DNTTIP1: variants seen among roughly 807,000 people sequenced by gnomAD.
The protein encoded by DNTTIP1 is deoxynucleotidyltransferase terminal interacting protein 1, also known as deoxynucleotidyltransferase terminal-interacting protein 1.
DNTTIP1 carries 22 observed loss-of-function variants against 52.9 expected under a neutral mutation model. The observed-to-expected ratio is 0.42, with a 90% CI of 0.30 to 0.59. The LOEUF (loss-of-function observed/expected upper bound fraction) is 0.59. Among genes scored for constraint, DNTTIP1 ranks in the 20% least tolerant of loss-of-function variants. The probability of loss-of-function intolerance (pLI) is 0.22; values close to 1 mark genes in which losing one functional copy is unlikely to be tolerated. For synonymous variants in DNTTIP1, 136 were observed against 155.1 expected (o/e 0.88, Z 0.92); for missense variants, 286 against 435.5 (o/e 0.66, Z 3.06).
intron 4 of DNTTIP1, among the ~76,000 whole-genome samples, chr20:45,797,084 A>G (rs1353162291): frequency 6.6e-6 from 1 of 152,158 alleles, no homozygotes; most frequent in Non-Finnish European, 1.5e-5. Flanking sequence ...ACACATTTAT[A>G]TCTCAGTCCA....
intron 1 of DNTTIP1, 152 bp from the exon 2 acceptor site, chr20:45,792,525 G>A (rs1981062896): frequency 3.4e-6 from 2 of 580,080 alleles, no homozygotes; most frequent in Admixed American, 7.1e-5. Context: ...TGTGGAGGAG[G>A]CCTTACAACT....
At chr20:45,799,631 T>G (rs1305232475) in intron 4 of DNTTIP1, among the ~76,000 whole-genome samples, 1 of 152,216 alleles carries the variant, frequency 6.6e-6, no homozygotes, top group Non-Finnish European at 1.5e-5. Context: ...CTGGTGGTTC[T>G]CTGTCACATC....
chr20:45,801,559 G>A, intron 6 of DNTTIP1, 101 bp downstream of exon 6: 1 of 1,258,350 alleles, frequency 7.9e-7, no homozygotes, highest in Non-Finnish European at 1.1e-6. Context: ...AGGCCAAGCG[G>A]GGAGGATCAC....
intron 1 of DNTTIP1, 89 bp downstream of exon 1, chr20:45,792,198 G>A: frequency 2.5e-6 from 2 of 799,542 alleles, no homozygotes; most frequent in Non-Finnish European, 3.4e-6. Context: ...AGAACGCGGA[G>A]GCTGGAGCTG....
chr20:45,810,154 G>A (rs1176444287), intron 11 of DNTTIP1, among the ~76,000 whole-genome samples: 1 of 152,160 alleles, frequency 6.6e-6, no homozygotes, highest in Admixed American at 6.5e-5. Flanking sequence ...CCCATAAGAT[G>A]TAGACAAATT....
chr20:45,794,687 C>T lies in DNTTIP1; in HGVS notation c.274-658C>T, dbSNP rs988752546. Among the ~76,000 whole-genome samples the T allele has an allele frequency of 2.0e-5, 3 of 150,968 alleles. No individual in the cohort carries two copies. In the East Asian group the frequency reaches 5.9e-4, roughly 30 times the overall value. ...ATTATTGGGGCCATGCACAGTGGCT[C>T]ACACCTGCAACCCCAGCACTTTGGG... is the stretch of plus-strand genomic sequence containing the variant. On this transcript the variant is annotated intron_variant, in intron 3 of 12. Coordinates refer to ENST00000372622, the MANE Select transcript of DNTTIP1 (RefSeq NM_052951.3).
intron 3 of DNTTIP1, 63 bp from the exon 4 acceptor site, chr20:45,795,282 G>A: frequency 2.2e-6 from 2 of 922,496 alleles, no homozygotes; most frequent in South Asian, 1.6e-5. Flanking sequence ...TTTATATTCA[G>A]TTTCCTTCAG....
chr20:45,803,874 A>C (rs1204552524), intron 8 of DNTTIP1, among the ~76,000 whole-genome samples: 1 of 152,160 alleles, frequency 6.6e-6, no homozygotes, highest in African/African-American at 2.4e-5. Flanking sequence ...TGAGTCTCAA[A>C]CCCAAGACCC....
At chr20:45,805,838 C>A (rs1256256855) in intron 10 of DNTTIP1, among the ~76,000 whole-genome samples, 1 of 152,206 alleles carries the variant, frequency 6.6e-6, no homozygotes, top group Non-Finnish European at 1.5e-5. Flanking sequence ...AATCCCAGCA[C>A]TTTGGGAGGC....
At chr20:45,803,424 T>A (rs372929002) in intron 8 of DNTTIP1, 46 bp downstream of exon 8, 164 of 1,608,374 alleles carry the variant, frequency 1.0e-4, no homozygotes, top group Middle Eastern at 1.7e-4. Context: ...CAGGAGATAG[T>A]CCCACTATCT....
At chr20:45,802,435 A>G (rs1981505587) in intron 7 of DNTTIP1, among the ~76,000 whole-genome samples, 1 of 152,220 alleles carries the variant, frequency 6.6e-6, no homozygotes, top group Non-Finnish European at 1.5e-5. Context: ...CTAATGTCAT[A>G]TCGTTAACAT....
chr20:45,804,801 C>T (rs1981581363), intron 8 of DNTTIP1, among the ~76,000 whole-genome samples: 1 of 152,180 alleles, frequency 6.6e-6, no homozygotes, highest in African/African-American at 2.4e-5. Flanking sequence ...TCAGAATTAA[C>T]TTGGGAAATG....
Position 45,809,834 on chromosome 20 carries a change from T to C in DNTTIP1, c.795+649T>C, listed in dbSNP as rs930607619. 3.3e-5 allele frequency among the ~76,000 whole-genome samples: 5 copies of C among 152,224 alleles called. No individual in the cohort carries two copies. Among genetic ancestry groups the C allele is most frequent in the South Asian group, 2.1e-4 (1 of 4,838 alleles). On this transcript the variant is annotated intron_variant, in intron 11 of 12. Coordinates refer to ENST00000372622, the MANE Select transcript of DNTTIP1 (RefSeq NM_052951.3). The surrounding 1 kb of genome is among the most constrained non-coding windows in gnomAD (Gnocchi z 4.2). ...AATCTAAGTGCCTTACAAACTGATA[T>C]GCCATCTCCTTTCTGGCAGTGAGAG...
At position 45,791,995 on chromosome 20, in the gene DNTTIP1, C is replaced by T. The variant is rs1381418880; in HGVS notation, c.-10C>T. On this transcript the variant is annotated 5_prime_UTR_variant, in exon 1 of 13. Coordinates refer to ENST00000372622, the MANE Select transcript of DNTTIP1 (RefSeq NM_052951.3). ...CAGAGTCCAGCGGAGTTGTGGGGGC[C>T]GGGGGCGCCATGGGAGCCACTGGCG... 28 of 1,249,678 alleles carry T rather than the reference C, an allele frequency of 2.2e-5. No homozygotes were observed. Among genetic ancestry groups the T allele is most frequent in the Non-Finnish European group, 2.8e-5 (28 of 995,016 alleles). The allele number at this position is 1,249,678 out of a possible 1,614,324, so 77.4% of individuals were successfully genotyped here.
Position 45,809,309 on chromosome 20 carries a change from A to C in DNTTIP1, c.795+124A>C. On this transcript the variant is annotated intron_variant, in intron 11 of 12. Transcript: ENST00000372622. This position sits in a 1 kb window ranked among gnomAD's most constrained non-coding sequence, Gnocchi z 4.2. ...AAGCCTCACCAATGTGTGAGAAGAG[A>C]GACTTATAAGGCCTATTTCTTCATG... 1.3e-6 allele frequency: 1 copy of C among 787,718 alleles called. No individual in the cohort carries two copies. Among genetic ancestry groups the C allele is most frequent in the Non-Finnish European group, 2.2e-6 (1 of 464,878 alleles). 48.8% of individuals were successfully genotyped at this position (787,718 alleles called of 1,614,324 possible).
At chr20:45,795,466 A>G in intron 4 of DNTTIP1, 23 bp downstream of exon 4, 2 of 1,460,090 alleles carry the variant, frequency 1.4e-6, no homozygotes, top group Non-Finnish European at 1.9e-6. Flanking sequence ...GGGACAAGAG[A>G]TGCAGGCACA....
intron 3 of DNTTIP1, 41 bp downstream of exon 3, chr20:45,794,058 C>A (rs771348107): frequency 3.0e-6 from 4 of 1,354,622 alleles, no homozygotes; most frequent in Non-Finnish European, 3.1e-6. Flanking sequence ...GAGAAAGACT[C>A]ATGAGGAGCC....
At chr20:45,795,265 G>C in intron 3 of DNTTIP1, 80 bp from the exon 4 acceptor site, 1 of 776,126 alleles carries the variant, frequency 1.3e-6, no homozygotes, top group Non-Finnish European at 2.1e-6. Context: ...CTAGGATAAA[G>C]ACTTATTTTA....
At position 45,801,159 on chromosome 20, in the gene DNTTIP1, T is replaced by C. The variant is rs1327712628; in HGVS notation, c.441+17T>C. ...GGAATAAAGGTCAGAGTCACTGTGT[T>C]CTCGGGTATTGGAGCGGGAGGTCCT... On this transcript the variant is annotated intron_variant, in intron 5 of 12. Coordinates refer to ENST00000372622, the MANE Select transcript of DNTTIP1 (RefSeq NM_052951.3). The C allele has an allele frequency of 4.3e-6, 7 of 1,613,020 alleles. No homozygotes were observed. In the Admixed American group the frequency reaches 6.7e-5, roughly 15 times the overall value.
Sources: gnomAD v4.1 joint callset for allele counts (sites outside exome capture counted in the v4.1 genomes callset) on GRCh38, gnomAD v4.1.1 for gene constraint, Gnocchi (gnomAD v3.1) non-coding constraint, MANE v1.5 for transcripts, NCBI Gene and HGNC (gene_info 2026-07-23, HGNC 2026-07-21) for gene names.